Variants in CRTAM observed in about 807,000 individuals in gnomAD.
CRTAM encodes cytotoxic and regulatory T-cell molecule.
In CRTAM, 44 loss-of-function variants were observed where a neutral mutation model predicts 50.0. The observed-to-expected ratio is 0.88, with a 90% CI of 0.69 to 1.13. The LOEUF (loss-of-function observed/expected upper bound fraction) is 1.13. CRTAM is among the 50% of genes most tolerant of loss of function. The pLI, the probability that CRTAM is intolerant of heterozygous loss-of-function variation, is 0.00. For missense variants in CRTAM, 448 were observed against 457.5 expected, an observed-to-expected ratio of 0.98 and a Z score of 0.19; for synonymous variants, 159 against 169.3, an observed-to-expected ratio of 0.94 and a Z score of 0.47.
In CRTAM at chr11:122,871,459, G is replaced by T; in HGVS notation, c.*60G>T. 6.7e-7 allele frequency: 1 copy of T among 1,500,534 alleles called. No individual in the cohort carries two copies. The highest frequency in any genetic ancestry group is 2.4e-5 in the East Asian group (1 of 42,412). The allele number at this position is 1,500,534 out of a possible 1,614,324, so 93.0% of individuals were successfully genotyped here. ...GCCGCAGTGTCACCTCAGTGGACCA[G>T]CCTGGGGGAAGGAGCTTAATTGCTG... On this transcript the variant is annotated 3_prime_UTR_variant, in exon 10 of 10. Coordinates refer to ENST00000227348, the MANE Select transcript of CRTAM (RefSeq NM_019604.4).
At chr11:122,863,365 A>C (rs1862124297) in intron 6 of CRTAM, among the ~76,000 whole-genome samples, 2 of 151,768 alleles carry the variant, frequency 1.3e-5, no homozygotes, top group South Asian at 4.2e-4. Context: ...GAAAGAAAGA[A>C]AGAAAAAGAA....
chr11:122,861,664 C>T (rs1862084730), intron 5 of CRTAM, among the ~76,000 whole-genome samples: 1 of 151,736 alleles, frequency 6.6e-6, no homozygotes, highest in African/African-American at 2.4e-5. Context: ...TGGTCTTGAA[C>T]TCCTGATTTC....
chr11:122,853,884 CT>C (rs58811874), intron 3 of CRTAM, 58 bp from the exon 4 acceptor site: 266,200 of 1,516,460 alleles, frequency 0.18, 27,461 homozygotes, highest in Admixed American at 0.43. Context: ...AGCCTCTGTG[CT>C]TTGTTGAGAT....
chr11:122,853,163 GT>G (rs1278395382), intron 3 of CRTAM, among the ~76,000 whole-genome samples: 1 of 151,754 alleles, frequency 6.6e-6, no homozygotes, highest in African/African-American at 2.4e-5. Flanking sequence ...CCCATCCCAG[GT>G]TCAAGCGATT....
At chr11:122,862,257 T>C (rs1473826163) in intron 5 of CRTAM, 2 of 576,050 alleles carry the variant, frequency 3.5e-6, no homozygotes, top group Non-Finnish European at 6.2e-6. Flanking sequence ...TGCTGTGCTT[T>C]AAGCCAGGCA....
intron 9 of CRTAM, among the ~76,000 whole-genome samples, chr11:122,869,458 C>T (rs1460736375): frequency 6.6e-6 from 1 of 152,064 alleles, no homozygotes; most frequent in African/African-American, 2.4e-5. Flanking sequence ...ATTGCAATTC[C>T]TGAGACAAAA....
rs748989837 is a variant in CRTAM at position 122,851,818 on chromosome 11, A to G, written c.319A>G (p.Thr107Ala). ...CTTACATTACAGCGACTCTGTAAGCACAAAGGAAGTGAAAGTGATTGTGCT... is the reference window on the plus strand; with the variant it reads ...CTTACATTACAGCGACTCTGTAAGCGCAAAGGAAGTGAAAGTGATTGTGCT... ...KCLHYSDSVSTKEVKVIVLAT... is the reference protein window; with the variant it reads ...KCLHYSDSVSAKEVKVIVLAT... Residue 107 changes from threonine to alanine, a missense_variant, in exon 3 of 10, where the codon ACA becomes GCA. Thr to Ala is a moderately conservative substitution (Grantham distance 58). Transcript: ENST00000227348. The G allele has an allele frequency of 4.3e-6, 7 of 1,614,100 alleles. No homozygotes were observed. Among genetic ancestry groups the G allele is most frequent in the Admixed American group, 3.3e-5 (2 of 60,010 alleles).
chr11:122,868,186 A>G, intron 9 of CRTAM, 87 bp downstream of exon 9: 1 of 631,050 alleles, frequency 1.6e-6, no homozygotes, highest in Non-Finnish European at 2.8e-6. Context: ...AGACAACAGA[A>G]TATGTGTGTG....
intron 6 of CRTAM, among the ~76,000 whole-genome samples, chr11:122,863,266 GAAAGAA>G (rs1488953528): frequency 1.6e-4 from 5 of 32,014 alleles, no homozygotes; most frequent in Admixed American, 6.5e-4. Context: ...AGAAAAGAAA[GAAAGAA>G]AAAGAAAGAA....
At chr11:122,854,160 C>T in intron 4 of CRTAM, 74 bp downstream of exon 4, 1 of 1,461,060 alleles carries the variant, frequency 6.8e-7, no homozygotes, top group East Asian at 2.3e-5. Flanking sequence ...GTTTTGGCAC[C>T]CTCTAGTGGC....
At chr11:122,839,577 C>A (rs1322710398) in intron 1 of CRTAM, among the ~76,000 whole-genome samples, 2 of 152,138 alleles carry the variant, frequency 1.3e-5, no homozygotes, top group African/African-American at 4.8e-5. Context: ...GAAGCAGTTA[C>A]CTTTTTGGAG....
intron 4 of CRTAM, among the ~76,000 whole-genome samples, chr11:122,854,673 A>AAG (rs1483837679): frequency 4.0e-5 from 6 of 151,720 alleles, no homozygotes; most frequent in African/African-American, 9.7e-5. Flanking sequence ...AAAAAAAAAA[A>AAG]AAGAAGAAGT....
At position 122,850,131 on chromosome 11, in the gene CRTAM, A is replaced by G. The variant is rs199543911; in HGVS notation, c.110A>G (p.Lys37Arg). 6.2e-7 allele frequency: 1 copy of G among 1,613,644 alleles called. No homozygotes were observed. The highest frequency in any genetic ancestry group is 1.3e-5 in the African/African-American group (1 of 75,032). The change falls in exon 2 of 10, where the codon AAG becomes AGG. Residue 37 changes from lysine to arginine, a missense_variant. By Grantham distance (26) the Lys-to-Arg change is conservative. Coordinates refer to ENST00000227348, the MANE Select transcript of CRTAM (RefSeq NM_019604.4). Reference sequence around the variant, plus strand: ...GAGGAAGGCCAGACGCTCACTCTAAAGTGTGTCACTTCTCTGAGGAAGAAC... The same window carrying G: ...GAGGAAGGCCAGACGCTCACTCTAAGGTGTGTCACTTCTCTGAGGAAGAAC... ...TVEEGQTLTL[K>R]CVTSLRKNSS...
rs139514014 is a variant in CRTAM at position 122,862,479 on chromosome 11, C to T, written c.668C>T (p.Thr223Ile). ...RFEDLVTDEE[T>I]ASDALERNSL... ...CCTTTCCTAGTTACTGATGAAGAGA[C>T]AGCTTCAGATGCTCTGGAGAGAAAC... Residue 223 changes from threonine (T) to isoleucine (I), a missense_variant, in exon 6 of 10, where the codon ACA (threonine) becomes ATA (isoleucine). Thr to Ile is a moderately conservative substitution (Grantham distance 89). Transcript: ENST00000227348. The T allele has an allele frequency of 8.7e-6, 14 of 1,612,188 alleles. No individual in the cohort carries two copies. The African/African-American group carries it at 1.3e-4, about 15-fold the overall frequency.
intron 8 of CRTAM, 75 bp downstream of exon 8, chr11:122,867,630 A>G: frequency 4.1e-6 from 6 of 1,448,882 alleles, no homozygotes; most frequent in Non-Finnish European, 5.7e-6. Context: ...AATTCTGTCC[A>G]TTAAAGCTTT....
rs79306693 is a variant in CRTAM, at chr11:122,845,288, A to G, written c.47-4780A>G. ...CTGAGAATGGAGCATTGGTTTGAGC[A>G]ATGTGAAGGTCTTTGGCAACCTTGG... On this transcript the variant is annotated intron_variant, in intron 1 of 9. Coordinates refer to ENST00000227348, the MANE Select transcript of CRTAM (RefSeq NM_019604.4). Among the ~76,000 whole-genome samples, 841 of 152,314 alleles carry G rather than the reference A, an allele frequency of 5.5e-3. 8 individuals carry two copies. Among genetic ancestry groups the G allele is most frequent in the African/African-American group, 0.019 (783 of 41,564 alleles).
In CRTAM at chr11:122,872,581, T is replaced by C. The variant is rs941784673; in HGVS notation, c.*1182T>C. On this transcript the variant is annotated 3_prime_UTR_variant, in exon 10 of 10. Transcript: ENST00000227348. Reference sequence around the variant, plus strand: ...TTTATTTAAGCTATACAGCAAACTTTGGCATTTATGTGGAGCATTTCTCAT... The same window carrying C: ...TTTATTTAAGCTATACAGCAAACTTCGGCATTTATGTGGAGCATTTCTCAT... The C allele has an allele frequency of 3.9e-5, 6 of 152,654 alleles. No homozygotes were observed. Among genetic ancestry groups the C allele is most frequent in the East Asian group, 1.9e-4 (1 of 5,200 alleles). 9.5% of individuals were successfully genotyped at this position (152,654 alleles called of 1,614,324 possible).
rs1192932399 is a variant in CRTAM at position 122,863,355 on chromosome 11, GAAAGAAAGAAAGAA to G, written c.733+827_733+840del. On this transcript the variant is annotated intron_variant, in intron 6 of 9. Coordinates refer to ENST00000227348, the MANE Select transcript of CRTAM (RefSeq NM_019604.4). ...AAAGAAAGAAAGAAAGAAAGAAAAA[GAAAGAAAGAAAGAA>G]AAAGAAAGAAAGAAAGAATTGGTTA... 2.2e-4 allele frequency among the ~76,000 whole-genome samples: 11 copies of G among 49,026 alleles called. No homozygotes were observed. In the South Asian group the frequency reaches 6.5e-3, roughly 29 times the overall value. The allele number at this position is 49,026 out of a possible 152,430, so 32.2% of individuals were successfully genotyped here.
At chr11:122,861,407 T>TA (rs1862076137) in intron 5 of CRTAM, among the ~76,000 whole-genome samples, 2 of 19,666 alleles carry the variant, frequency 1.0e-4, no homozygotes, top group South Asian at 4.0e-3. Flanking sequence ...TATATATATA[T>TA]ATATATATAT....
Sources: gnomAD v4.1 joint callset for allele counts (sites outside exome capture counted in the v4.1 genomes callset) on GRCh38, gnomAD v4.1.1 for gene constraint, MANE v1.5 for transcripts, NCBI Gene and HGNC (gene_info 2026-07-23, HGNC 2026-07-21) for gene names.